The following FRYL variants were observed in gnomAD, a reference collection of about 807,000 sequenced individuals.
The protein encoded by FRYL is protein furry homolog-like.
A neutral mutation model predicts 351.2 loss-of-function variants in FRYL; 150 were observed. The observed-to-expected ratio is 0.43, with a 90% CI of 0.37 to 0.49. The LOEUF is 0.49. FRYL is among the 20% of genes least tolerant of loss of function. The pLI, the probability that FRYL is intolerant of heterozygous loss-of-function variation, is 0.00. For synonymous variants in FRYL, 1,153 were observed against 1,257.1 expected (o/e 0.92, Z 1.75); for missense variants, 3,036 against 3,619.3 (o/e 0.84, Z 4.13).
chr4:48,721,942 T>G (rs1769516042), intron 1 of FRYL, among the ~76,000 whole-genome samples: 1 of 152,116 alleles, frequency 6.6e-6, no homozygotes, highest in East Asian at 1.9e-4. Flanking sequence ...ACCCAGCCCA[T>G]ATGTACGTTT....
At chr4:48,541,929 T>C (rs905097530) in intron 45 of FRYL, 98 bp downstream of exon 45, 1 of 827,192 alleles carries the variant, frequency 1.2e-6, no homozygotes, top group Non-Finnish European at 2.0e-6. Flanking sequence ...TGGGCAGTAT[T>C]GTGCTTACTA....
At chr4:48,734,730 G>A (rs1771112286) in intron 1 of FRYL, among the ~76,000 whole-genome samples, 1 of 152,064 alleles carries the variant, frequency 6.6e-6, no homozygotes, top group East Asian at 1.9e-4. Context: ...AAGGTGTAAG[G>A]AAGGGATCCA....
At chr4:48,580,541 CTATCTCACGAATATTA>C in intron 22 of FRYL, 1 of 278,462 alleles carries the variant, frequency 3.6e-6, no homozygotes, top group East Asian at 6.2e-5. Flanking sequence ...ACAAGTATTT[CTATCTCACGAATATTA>C]TATGCCATAA....
At chr4:48,758,672 G>C (rs1250160383) in intron 1 of FRYL, among the ~76,000 whole-genome samples, 3 of 152,036 alleles carry the variant, frequency 2.0e-5, no homozygotes, top group African/African-American at 7.3e-5. Context: ...AGACAGTGTG[G>C]CGATTCCTCA....
At chr4:48,748,806 G>A (rs766309961) in intron 1 of FRYL, among the ~76,000 whole-genome samples, 11 of 152,200 alleles carry the variant, frequency 7.2e-5, no homozygotes, top group Non-Finnish European at 1.2e-4. Context: ...GAAGCTATCA[G>A]AAGAAAAAGT....
At position 48,542,135 on chromosome 4, in the gene FRYL, G is replaced by A. The variant is rs1264108838; in HGVS notation, c.5593-14C>T. ...AATCACAAATCCCTGGGGGGAAAAA[G>A]GCAGATTTTAATTAATTATGCTCTG... On this transcript the variant is annotated splice_polypyrimidine_tract_variant and intron_variant, in intron 44 of 63. Transcript: ENST00000358350. 6 of 1,583,372 alleles carry A rather than the reference G, an allele frequency of 3.8e-6. No individual in the cohort carries two copies. Among genetic ancestry groups the A allele is most frequent in the Non-Finnish European group, 5.2e-6 (6 of 1,152,478 alleles).
intron 2 of FRYL, among the ~76,000 whole-genome samples, chr4:48,685,760 CTT>C (rs1285238717): frequency 4.9e-5 from 7 of 143,566 alleles, no homozygotes; most frequent in South Asian, 2.2e-4. Context: ...GTTTTCTTGG[CTT>C]TTTTTTTTTT....
intron 1 of FRYL, among the ~76,000 whole-genome samples, chr4:48,731,391 A>G (rs1400738924): frequency 1.3e-5 from 2 of 152,236 alleles, no homozygotes; most frequent in East Asian, 3.8e-4. Flanking sequence ...TGCTATCCCC[A>G]TCAAGCTACC....
At chr4:48,677,958 C>G (rs1334823888) in intron 3 of FRYL, among the ~76,000 whole-genome samples, 2 of 152,200 alleles carry the variant, frequency 1.3e-5, no homozygotes, top group Non-Finnish European at 2.9e-5. Flanking sequence ...ACTGCATTAT[C>G]TCTATCCCAG....
chr4:48,521,125 C>T lies in FRYL; in HGVS notation c.7612G>A (p.Glu2538Lys). Residue 2538 changes from glutamate (E) to lysine (K), a missense_variant, in exon 55 of 64, where the codon GAG (glutamate) becomes AAG (lysine). Physicochemically the swap from Glu to Lys is moderately conservative, Grantham distance 56 (BLOSUM62 1). Transcript: ENST00000358350. ...SEDSTGSITT[E>K]EVLQIRDETP... ...TCATCCCTGATTTGAAGCACTTCCT[C>T]TGTTGTGATGCTGCCAGTGGAATCT... 6.2e-7 allele frequency: 1 copy of T among 1,613,840 alleles called. No individual in the cohort carries two copies. Among genetic ancestry groups the T allele is most frequent in the Non-Finnish European group, 8.5e-7 (1 of 1,179,784 alleles).
chr4:48,499,792 G>A (rs907285424), intron 63 of FRYL, 112 bp from the exon 64 acceptor site: 2 of 1,059,850 alleles, frequency 1.9e-6, no homozygotes, highest in Non-Finnish European at 2.7e-6. Flanking sequence ...AACATGATCT[G>A]TTTTAATATT....
At chr4:48,737,252 C>T (rs1320497424) in intron 1 of FRYL, among the ~76,000 whole-genome samples, 2 of 114,110 alleles carry the variant, frequency 1.8e-5, no homozygotes, top group Non-Finnish European at 3.6e-5. Context: ...AGCGAGACTC[C>T]ATCACAGAAA....
chr4:48,672,765 T>G (rs1762940913), intron 3 of FRYL, among the ~76,000 whole-genome samples: 1 of 152,120 alleles, frequency 6.6e-6, no homozygotes, highest in Non-Finnish European at 1.5e-5. Flanking sequence ...AACTCAATTT[T>G]CTCCCAGGAC....
At chr4:48,602,431 G>A (rs149801259) in intron 12 of FRYL, among the ~76,000 whole-genome samples, 3,598 of 152,180 alleles carry the variant, frequency 0.024, 109 homozygotes, top group Admixed American at 0.095. Context: ...ATGACAGATG[G>A]CATTAAAATG....
At chr4:48,637,085 C>G (rs1053967997) in intron 3 of FRYL, 5 of 151,994 alleles carry the variant, frequency 3.3e-5, no homozygotes, top group African/African-American at 1.2e-4. Context: ...CACAGTTAAT[C>G]ACTTTTGTTT....
intron 23 of FRYL, among the ~76,000 whole-genome samples, chr4:48,577,672 G>A (rs1481537081): frequency 6.6e-6 from 1 of 152,060 alleles, no homozygotes; most frequent in Non-Finnish European, 1.5e-5. Context: ...GCTACTTAAG[G>A]TCATAAATGG....
chr4:48,504,211 G>A (rs1720390801), intron 60 of FRYL, among the ~76,000 whole-genome samples: 1 of 151,970 alleles, frequency 6.6e-6, no homozygotes, highest in Non-Finnish European at 1.5e-5. Context: ...TGCTTATTAT[G>A]CAAAAGACAA....
chr4:48,712,737 G>C (rs561319018), intron 1 of FRYL, among the ~76,000 whole-genome samples: 11 of 152,094 alleles, frequency 7.2e-5, no homozygotes, highest in African/African-American at 2.7e-4. Flanking sequence ...GATACTCCTC[G>C]AGAAGAGCAA....
Position 48,758,781 on chromosome 4 carries a change from C to A in FRYL, c.-384+21297G>T, listed in dbSNP as rs553083379. On this transcript the variant is annotated intron_variant, in intron 1 of 63. Coordinates refer to ENST00000358350, the MANE Select transcript of FRYL (RefSeq NM_015030.2). ...AAGCTGCTATAAAGACACATGAACA[C>A]GTATGTTTATTGTGGCACTATTCAC... 7.9e-5 allele frequency among the ~76,000 whole-genome samples: 12 copies of A among 152,252 alleles called. No individual in the cohort carries two copies. In the East Asian group the frequency reaches 2.1e-3, roughly 27 times the overall value.
Sources: gnomAD v4.1 joint callset for allele counts (sites outside exome capture counted in the v4.1 genomes callset) on GRCh38, gnomAD v4.1.1 for gene constraint, MANE v1.5 for transcripts, NCBI Gene and HGNC (gene_info 2026-07-23, HGNC 2026-07-21) for gene names.